PCDH15: variants seen among roughly 807,000 people sequenced by gnomAD.
The protein encoded by PCDH15 is protocadherin related 15.
Under a neutral mutation model 178.5 loss-of-function variants are expected in PCDH15, and 129 were observed. That is an observed-to-expected ratio of 0.72 (90% CI 0.63 to 0.84). The LOEUF (loss-of-function observed/expected upper bound fraction) is 0.84, where lower values mean the gene tolerates loss of function less well. Among genes scored for constraint, PCDH15 ranks in the 40% least tolerant of loss-of-function variants. The pLI is 0.00. For synonymous variants in PCDH15, 800 were observed against 732.0 expected (o/e 1.09, Z -1.50); for missense variants, 2,230 against 2,099.9 (o/e 1.06, Z -1.21).
intron 8 of PCDH15, among the ~76,000 whole-genome samples, chr10:54,267,364 A>G (rs2057759246): frequency 6.6e-6 from 1 of 151,886 alleles, no homozygotes; most frequent in Non-Finnish European, 1.5e-5. Context: ...GAACAAGAAC[A>G]AAACAAGAAT....
At chr10:55,370,366 A>G (rs1395641157) in intron 2 of PCDH15, among the ~76,000 whole-genome samples, 1 of 152,138 alleles carries the variant, frequency 6.6e-6, no homozygotes, top group Non-Finnish European at 1.5e-5. Flanking sequence ...AGCTCACTTG[A>G]CTAGGGCTAA....
At chr10:54,312,866 G>T (rs857371) in intron 8 of PCDH15, among the ~76,000 whole-genome samples, 1 of 151,948 alleles carries the variant, frequency 6.6e-6, no homozygotes, top group Non-Finnish European at 1.5e-5. Context: ...CCTGTTATAC[G>T]GTGACTGATA....
At chr10:55,356,324 G>T (rs947347556) in intron 2 of PCDH15, among the ~76,000 whole-genome samples, 1 of 151,748 alleles carries the variant, frequency 6.6e-6, no homozygotes, top group Non-Finnish European at 1.5e-5. Context: ...AAAAAAAGGA[G>T]AAGAGGAAAA....
chr10:54,981,816 C>T (rs1218088046), intron 2 of PCDH15, among the ~76,000 whole-genome samples: 1 of 152,048 alleles, frequency 6.6e-6, no homozygotes, highest in Non-Finnish European at 1.5e-5. Flanking sequence ...CATTCTGCTG[C>T]CCAGGTTGCA....
chr10:54,849,672 T>A (rs1953579817), intron 3 of PCDH15, among the ~76,000 whole-genome samples: 1 of 152,204 alleles, frequency 6.6e-6, no homozygotes, highest in African/African-American at 2.4e-5. Context: ...CACCCAATCA[T>A]ATTATTATGT....
At chr10:55,617,863 C>A (rs1250516520) in intron 2 of PCDH15, among the ~76,000 whole-genome samples, 2 of 151,930 alleles carry the variant, frequency 1.3e-5, no homozygotes, top group Non-Finnish European at 2.9e-5. Context: ...TGTTTTCCAT[C>A]TAAACTTTTC....
intron 20 of PCDH15, among the ~76,000 whole-genome samples, chr10:53,999,962 T>C (rs2092045658): frequency 6.6e-6 from 1 of 152,120 alleles, no homozygotes; most frequent in Non-Finnish European, 1.5e-5. Flanking sequence ...CAGGGGTGCT[T>C]GTGTCACCCC....
At chr10:54,880,725 G>T (rs551411771) in intron 3 of PCDH15, among the ~76,000 whole-genome samples, 7 of 149,962 alleles carry the variant, frequency 4.7e-5, no homozygotes, top group African/African-American at 9.8e-5. Flanking sequence ...TAAATCAAAA[G>T]AAAATATATT....
intron 21 of PCDH15, among the ~76,000 whole-genome samples, chr10:53,983,367 A>G (rs2090835192): frequency 6.6e-6 from 1 of 151,642 alleles, no homozygotes; most frequent in Admixed American, 6.6e-5. Flanking sequence ...AGAAAGAAAA[A>G]AAAAAAAACA....
intron 2 of PCDH15, among the ~76,000 whole-genome samples, chr10:54,594,269 C>A (rs76403004): frequency 0.094 from 14,294 of 152,126 alleles, 807 homozygotes; most frequent in Middle Eastern, 0.13. Flanking sequence ...GGTGCAGGAG[C>A]ATCTATAGTG....
At chr10:54,196,165 CAG>C (rs768210061) in intron 10 of PCDH15, among the ~76,000 whole-genome samples, 2 of 152,004 alleles carry the variant, frequency 1.3e-5, no homozygotes, top group Non-Finnish European at 2.9e-5. Flanking sequence ...TTTTTTGAGA[CAG>C]AGTCTTGCTC....
At chr10:54,576,213 A>C (rs771835853) in intron 2 of PCDH15, among the ~76,000 whole-genome samples, 1 of 152,188 alleles carries the variant, frequency 6.6e-6, no homozygotes, top group African/African-American at 2.4e-5. Context: ...AGTTGTATCC[A>C]AGTAAAGTTC....
chr10:55,042,408 G>A (rs939692737), intron 2 of PCDH15, among the ~76,000 whole-genome samples: 13 of 152,084 alleles, frequency 8.5e-5, no homozygotes, highest in African/African-American at 2.9e-4. Context: ...AGTGGTATTG[G>A]AGAGGAGATG....
At chr10:54,174,693 TTTTCTTTTC>T (rs2047249060) in intron 13 of PCDH15, among the ~76,000 whole-genome samples, 1 of 117,018 alleles carries the variant, frequency 8.5e-6, no homozygotes, top group African/African-American at 3.3e-5. Context: ...TCTTTTTTCT[TTTTCTTTTC>T]TTTTTTTTTT....
At chr10:54,820,301 T>C (rs1953017530) in intron 3 of PCDH15, among the ~76,000 whole-genome samples, 1 of 152,042 alleles carries the variant, frequency 6.6e-6, no homozygotes, top group Non-Finnish European at 1.5e-5. Flanking sequence ...GAATCACTCA[T>C]CAGGATAAAG....
In PCDH15 at chr10:55,221,338, T is replaced by C. The variant is rs1564905151; in HGVS notation, c.-155-54687A>G. ...TAAAATATGGATATGTGTATATAAA[T>C]GTTTATTAAAAATTTTACTGATATA... On this transcript the variant is annotated intron_variant, in intron 1 of 5. Coordinates refer to the PCDH15 transcript ENST00000458638. 2.0e-5 allele frequency among the ~76,000 whole-genome samples: 3 copies of C among 152,108 alleles called. No homozygotes were observed. The South Asian group carries it at 6.2e-4, about 31-fold the overall frequency.
chr10:54,398,056 T>C (rs190855844), intron 3 of PCDH15, among the ~76,000 whole-genome samples: 49 of 152,062 alleles, frequency 3.2e-4, no homozygotes, highest in Admixed American at 9.8e-4. Context: ...AAAATACCTT[T>C]TAAGTCTTAT....
intron 1 of PCDH15, among the ~76,000 whole-genome samples, chr10:55,227,445 C>T (rs1293118807): frequency 1.7e-5 from 2 of 117,650 alleles, no homozygotes; most frequent in African/African-American, 6.5e-5. Flanking sequence ...AAGAAAGAAA[C>T]ATAGGATCTT....
chr10:54,832,427 A>G (rs2061047), intron 3 of PCDH15, among the ~76,000 whole-genome samples: 151,737 of 152,290 alleles, frequency 1, 75,597 homozygotes, highest in Middle Eastern at 1. Flanking sequence ...TATGTTTTAA[A>G]CAGCAAAATG....
Sources: allele counts gnomAD v4.1 joint callset (sites outside exome capture counted in the v4.1 genomes callset), GRCh38; gene constraint gnomAD v4.1.1; transcripts MANE v1.5; gene names NCBI Gene and HGNC (gene_info 2026-07-23, HGNC 2026-07-21).